UNC5B: variants seen among roughly 807,000 people sequenced by gnomAD.
The protein encoded by UNC5B is unc-5 netrin receptor B.
Under a neutral mutation model 103.7 loss-of-function variants are expected in UNC5B, and 56 were observed. The ratio of observed to expected loss-of-function variants is 0.54; its 90% CI spans 0.44 to 0.67. UNC5B has a LOEUF of 0.67. Ranked by LOEUF, UNC5B falls within the 30% of genes least tolerant of loss-of-function variation. The pLI is 0.00. For synonymous variants in UNC5B, 577 were observed against 542.0 expected, an observed-to-expected ratio of 1.06 and a Z score of -0.90; for missense variants, 1,194 against 1,284.5, an observed-to-expected ratio of 0.93 and a Z score of 1.08.
Position 71,212,699 on chromosome 10 carries a change from T to C in UNC5B, c.-287T>C, listed in dbSNP as rs1843251224. ...GAGCGCCACTGAGCGGTCGCGCAAC[T>C]TCGGAGGCACAGCGCCGGAGCCAGG... On this transcript the variant is annotated 5_prime_UTR_variant, in exon 1 of 17. Coordinates refer to ENST00000335350, the MANE Select transcript of UNC5B (RefSeq NM_170744.5). 1.0e-5 allele frequency: 3 copies of C among 292,002 alleles called. No homozygotes were observed. Among genetic ancestry groups the C allele is most frequent in the Non-Finnish European group, 1.9e-5 (3 of 157,852 alleles). The allele number at this position is 292,002 out of a possible 1,614,324, so 18.1% of individuals were successfully genotyped here. A position where few individuals can be genotyped will look rare whatever the true frequency, so the allele number is the denominator to read the frequency against.
Position 71,213,604 on chromosome 10 carries a change from C to T in UNC5B, c.79+540C>T, listed in dbSNP as rs1283754224. 6.6e-5 allele frequency among the ~76,000 whole-genome samples: 10 copies of T among 151,818 alleles called. No individual in the cohort carries two copies. Among genetic ancestry groups the T allele is most frequent in the Admixed American group, 5.9e-4 (9 of 15,246 alleles). On this transcript the variant is annotated intron_variant, in intron 1 of 16. Transcript: ENST00000335350. This position sits in a 1 kb window ranked among gnomAD's most constrained non-coding sequence, Gnocchi z 4.1. The stretch of plus-strand genomic sequence containing the variant: ...CCTCGGCAGGCCGGCTTGCAGGGCT[C>T]CTGAAGCGGGGAGGGCTAAGTCTTG...
intron 1 of UNC5B, among the ~76,000 whole-genome samples, chr10:71,272,058 A>T (rs1844658777): frequency 6.6e-6 from 1 of 152,132 alleles, no homozygotes; most frequent in Non-Finnish European, 1.5e-5. Flanking sequence ...GGGTCCTTCC[A>T]TGTGAGGTTG....
intron 1 of UNC5B, among the ~76,000 whole-genome samples, chr10:71,278,731 C>T (rs1844835168): frequency 6.6e-6 from 1 of 152,252 alleles, no homozygotes; most frequent in Non-Finnish European, 1.5e-5. Flanking sequence ...TCCCCTCCCT[C>T]CGCTGTAGGT....
chr10:71,214,199 G>A (rs1843288623), intron 1 of UNC5B, among the ~76,000 whole-genome samples: 1 of 152,154 alleles, frequency 6.6e-6, no homozygotes, highest in Admixed American at 6.5e-5. Context: ...AAGTGGACGA[G>A]ATGACGCAGC....
chr10:71,296,721 G>A lies in UNC5B; in HGVS notation c.2469G>A (p.Gln823=). 1 of 1,610,270 alleles carries A rather than the reference G, an allele frequency of 6.2e-7. No homozygotes were observed. Among genetic ancestry groups the A allele is most frequent in the Admixed American group, 1.7e-5 (1 of 59,524 alleles). The change falls in exon 15 of 17, where the codon CAG becomes CAA. Residue 823 remains glutamine (Q), a synonymous_variant. Transcript: ENST00000335350. ...RQVEGEGQIF[Q]LHTTLAETPA... is the part of the protein sequence containing the mutation. Reference sequence around the variant, plus strand: ...TGGAAGGGGAGGGCCAGATATTCCAGCTGCATACCACTCTGGCAGAGGTGA... The same window carrying A: ...TGGAAGGGGAGGGCCAGATATTCCAACTGCATACCACTCTGGCAGAGGTGA...
intron 1 of UNC5B, among the ~76,000 whole-genome samples, chr10:71,243,277 G>A (rs142841177): frequency 5.3e-4 from 81 of 152,058 alleles, no homozygotes; most frequent in East Asian, 1.2e-3. Context: ...CTGCTTTAGG[G>A]CCAAGCAGAA....
chr10:71,233,099 A>G (rs1843713503), intron 1 of UNC5B, among the ~76,000 whole-genome samples: 1 of 152,190 alleles, frequency 6.6e-6, no homozygotes, highest in Admixed American at 6.5e-5. Flanking sequence ...CCTAAATGCC[A>G]AGAGAACAGG....
chr10:71,291,656 C>T lies in UNC5B; in HGVS notation c.1519C>T (p.Pro507Ser), dbSNP rs868618153. The T allele has an allele frequency of 1.2e-6, 2 of 1,613,714 alleles. No homozygotes were observed. Among genetic ancestry groups the T allele is most frequent in the Non-Finnish European group, 1.7e-6 (2 of 1,180,048 alleles). The change falls in exon 10 of 17, where the codon CCG becomes TCG. Residue 507 changes from proline to serine, a missense_variant. Physicochemically the swap from Pro to Ser is moderately conservative, Grantham distance 74. Coordinates refer to ENST00000335350, the MANE Select transcript of UNC5B (RefSeq NM_170744.5). ...ADGADLLGVLPPGTYPSDFAR... is the reference protein window; with the variant it reads ...ADGADLLGVLSPGTYPSDFAR... ...TGGGGCTGACCTGCTGGGGGTCTTGCCGCCTGGCACATACCCTAGCGATTT... is the reference window on the plus strand; with the variant it reads ...TGGGGCTGACCTGCTGGGGGTCTTGTCGCCTGGCACATACCCTAGCGATTT...
intron 1 of UNC5B, among the ~76,000 whole-genome samples, chr10:71,274,781 C>T (rs532883412): frequency 6.6e-6 from 1 of 152,244 alleles, no homozygotes; most frequent in South Asian, 2.1e-4. Context: ...ACAGTGTTTC[C>T]TCCTCCTCCT....
intron 5 of UNC5B, 30 bp from the exon 6 acceptor site, chr10:71,287,568 G>T: frequency 1.3e-6 from 2 of 1,567,752 alleles, no homozygotes; most frequent in Non-Finnish European, 1.7e-6. Context: ...CCAGAGCCAA[G>T]CCATCCAGTT....
intron 14 of UNC5B, among the ~76,000 whole-genome samples, chr10:71,296,219 C>A (rs531847202): frequency 6.6e-6 from 1 of 152,350 alleles, no homozygotes; most frequent in African/African-American, 2.4e-5. Context: ...CTATGCCCTT[C>A]ATCCTCACAG....
chr10:71,241,453 G>A (rs1254804042), intron 1 of UNC5B, among the ~76,000 whole-genome samples: 3 of 152,180 alleles, frequency 2.0e-5, no homozygotes, highest in Admixed American at 6.5e-5. Context: ...GAACTAGCTC[G>A]TGTCCTGGGT....
intron 1 of UNC5B, among the ~76,000 whole-genome samples, chr10:71,236,063 C>G (rs1159260552): frequency 6.6e-6 from 1 of 152,244 alleles, no homozygotes; most frequent in Non-Finnish European, 1.5e-5. Context: ...ACTGAAGGGG[C>G]CTTCTGGTCG....
chr10:71,225,615 C>T (rs1373513244), intron 1 of UNC5B, among the ~76,000 whole-genome samples: 3 of 152,226 alleles, frequency 2.0e-5, no homozygotes, highest in Non-Finnish European at 4.4e-5. Flanking sequence ...CATAATCCCT[C>T]GGCCGGCTGC....
At position 71,247,082 on chromosome 10, in the gene UNC5B, A is replaced by T. The variant is rs144666153; in HGVS notation, c.80-32739A>T. ...AGATTCCAGTGCAAACCAAATGAGG[A>T]AGTGCATGACCCAGGTTGTTCACTG... is the stretch of plus-strand genomic sequence containing the variant. On this transcript the variant is annotated intron_variant, in intron 1 of 16. Transcript: ENST00000335350. Among the ~76,000 whole-genome samples the T allele has an allele frequency of 9.4e-4, 143 of 152,310 alleles. 1 individual carries two copies. The Middle Eastern group carries it at 0.014, about 14-fold the overall frequency.
In UNC5B at chr10:71,292,462, C is replaced by A. The variant is rs377255326; in HGVS notation, c.1685-5C>A. ...GACTCCCTGCTGACTTCCCTCTCCC[C>A]CTAGGGGTCAGCTTGCTGGTGCCCA... On this transcript the variant is annotated splice_region_variant and splice_polypyrimidine_tract_variant and intron_variant, in intron 10 of 16. Coordinates refer to ENST00000335350, the MANE Select transcript of UNC5B (RefSeq NM_170744.5). 2.4e-5 allele frequency: 38 copies of A among 1,588,088 alleles called. No individual in the cohort carries two copies. The highest frequency in any genetic ancestry group is 2.7e-5 in the Non-Finnish European group (32 of 1,166,412).
rs151177894 is a variant in UNC5B, at chr10:71,296,707, G to A, written c.2455G>A (p.Gly819Ser). The change falls in exon 15 of 17, where the codon GGC (glycine) becomes AGC (serine). Residue 819 changes from glycine (G) to serine (S), a missense_variant. Coordinates refer to ENST00000335350, the MANE Select transcript of UNC5B (RefSeq NM_170744.5). ...CTGCGTGCGGCAAGTGGAAGGGGAG[G>A]GCCAGATATTCCAGCTGCATACCAC... ...KICVRQVEGE[G>S]QIFQLHTTLA... is the part of the protein sequence containing the mutation. 1.2e-6 allele frequency: 2 copies of A among 1,614,034 alleles called. No homozygotes were observed. Among genetic ancestry groups the A allele is most frequent in the African/African-American group, 1.3e-5 (1 of 74,930 alleles).
intron 1 of UNC5B, among the ~76,000 whole-genome samples, chr10:71,233,461 TCACCTTTGCCTCTCC>T (rs1843720369): frequency 6.6e-6 from 1 of 152,196 alleles, no homozygotes; most frequent in Non-Finnish European, 1.5e-5. Context: ...CAGCCAGCTC[TCACCTTTGCCTCTCC>T]CACTGGCCAA....
chr10:71,291,225 G>T, intron 9 of UNC5B, 116 bp downstream of exon 9: 1 of 1,407,836 alleles, frequency 7.1e-7, no homozygotes. Flanking sequence ...TCCAGAGTTT[G>T]CTCTAGAGAT....
Sources: allele counts gnomAD v4.1 joint callset (sites outside exome capture counted in the v4.1 genomes callset), GRCh38; gene constraint gnomAD v4.1.1; non-coding constraint Gnocchi (gnomAD v3.1); transcripts MANE v1.5; gene names NCBI Gene and HGNC (gene_info 2026-07-23, HGNC 2026-07-21).